PUDP: variants seen among roughly 807,000 people sequenced by gnomAD.
PUDP encodes pseudouridine 5'-phosphatase.
Under a neutral mutation model 9.4 loss-of-function variants are expected in PUDP, and 8 were observed. The ratio of observed to expected loss-of-function variants is 0.85; its 90% CI spans 0.50 to 1.53. PUDP has a LOEUF of 1.53. Ranked by LOEUF, PUDP falls within the 40% of genes most tolerant of loss-of-function variation. The pLI is 0.00. For synonymous variants in PUDP, 99 were observed against 80.7 expected, an observed-to-expected ratio of 1.23 and a Z score of -1.22; for missense variants, 188 against 189.7, an observed-to-expected ratio of 0.99 and a Z score of 0.05.
At chrX:7,086,394 G>A (rs189792190) in intron 2 of PUDP, among the ~76,000 whole-genome samples, 3 of 112,214 alleles carry the variant, frequency 2.7e-5, no homozygotes, top group African/African-American at 9.7e-5. Context: ...AGGAAATCTG[G>A]CTAATATAGA....
chrX:6,755,029 G>C (rs1254304644), intron 3 of PUDP, among the ~76,000 whole-genome samples: 5 of 111,510 alleles, frequency 4.5e-5, no homozygotes, highest in Non-Finnish European at 9.4e-5. Flanking sequence ...CAGTGCTGGA[G>C]TGCTGTCTTG....
chrX:7,135,377 G>A (rs1459343373), intron 1 of PUDP, among the ~76,000 whole-genome samples: 4 of 111,785 alleles, frequency 3.6e-5, no homozygotes, highest in Non-Finnish European at 5.6e-5. Context: ...ACAAACTATC[G>A]GATTCCAATT....
chrX:6,788,908 A>G (rs910835946), intron 3 of PUDP, among the ~76,000 whole-genome samples: 6 of 112,222 alleles, frequency 5.3e-5, no homozygotes, highest in Admixed American at 2.8e-4. Context: ...ACAAACGCTC[A>G]GGGAAAGTTT....
chrX:6,732,982 A>C (rs768132866), intron 3 of PUDP, among the ~76,000 whole-genome samples: 2 of 111,889 alleles, frequency 1.8e-5, no homozygotes, highest in Non-Finnish European at 3.8e-5. Context: ...GCATTCAGGA[A>C]CGGTCTCTCA....
chrX:7,021,914 A>G (rs981582398), intron 1 of PUDP, among the ~76,000 whole-genome samples: 1 of 112,488 alleles, frequency 8.9e-6, no homozygotes, highest in Non-Finnish European at 1.9e-5. Flanking sequence ...TAATTACAGC[A>G]TTACAGACTG....
chrX:7,108,463 C>G, intron 1 of PUDP, among the ~76,000 whole-genome samples: 1 of 110,948 alleles, frequency 9.0e-6, no homozygotes, highest in Non-Finnish European at 1.9e-5. Context: ...CCCTGCCCTG[C>G]ACTCCCCATC....
chrX:6,883,909 C>T (rs1927385066), intron 3 of PUDP, among the ~76,000 whole-genome samples: 1 of 111,624 alleles, frequency 9.0e-6, no homozygotes, highest in Non-Finnish European at 1.9e-5. Context: ...GGCACGATCT[C>T]GGCTCGCTGC....
Position 7,060,006 on chromosome X carries a change from G to C in PUDP, c.511-9534C>G, listed in dbSNP as rs1414920296. The stretch of plus-strand genomic sequence containing the variant: ...GACTTCGTGATTAAATGAGCTGGTG[G>C]ATGAGCCAATGAGCTGTCTGTGTGG... On this transcript the variant is annotated intron_variant, in intron 3 of 3. Coordinates refer to ENST00000381077, the MANE Select transcript of PUDP (RefSeq NM_012080.5). Among the ~76,000 whole-genome samples, 16 of 112,057 alleles carry C rather than the reference G, an allele frequency of 1.4e-4. 1 individual carries two copies. Among genetic ancestry groups the C allele is most frequent in the Admixed American group, 8.5e-4 (9 of 10,636 alleles).
chrX:6,895,237 A>C (rs931232295), intron 3 of PUDP, among the ~76,000 whole-genome samples: 2 of 106,427 alleles, frequency 1.9e-5, no homozygotes, highest in Non-Finnish European at 3.8e-5. Context: ...ATATATATAT[A>C]TACTATATAT....
In PUDP at chrX:7,050,138, T is replaced by C. The variant is rs1930054886; in HGVS notation, c.*158A>G. The C allele has an allele frequency of 4.2e-6, 2 of 480,283 alleles. No individual in the cohort carries two copies. Among genetic ancestry groups the C allele is most frequent in the African/African-American group, 4.9e-5 (2 of 41,195 alleles). The allele number at this position is 480,283 out of a possible 1,213,427, so 39.6% of individuals were successfully genotyped here. Reference sequence around the variant, plus strand: ...GTCAAGTCACATTTTATCAACACGTTAGACTGGGACAAACCAACATGGGAT... The same window carrying C: ...GTCAAGTCACATTTTATCAACACGTCAGACTGGGACAAACCAACATGGGAT... On this transcript the variant is annotated 3_prime_UTR_variant, in exon 4 of 4. Transcript: ENST00000381077.
At chrX:7,064,298 T>C (rs903946903) in intron 3 of PUDP, among the ~76,000 whole-genome samples, 39 of 111,424 alleles carry the variant, frequency 3.5e-4, no homozygotes, top group African/African-American at 1.2e-3. Context: ...ATAGGCAAGC[T>C]GTTGATCCGC....
At position 7,074,609 on chromosome X, in the gene PUDP, G is replaced by A. The variant is rs1053416573; in HGVS notation, c.510+2611C>T. ...ATCGCTTCTGGGACATGGTTATGGA[G>A]TGCAGCACCTTCACTTTTCTAGTGA... On this transcript the variant is annotated intron_variant, in intron 3 of 3. Coordinates refer to ENST00000381077, the MANE Select transcript of PUDP (RefSeq NM_012080.5). Among the ~76,000 whole-genome samples, 5 of 112,363 alleles carry A rather than the reference G, an allele frequency of 4.4e-5. No individual in the cohort carries two copies. The Admixed American group carries it at 4.7e-4, about 11-fold the overall frequency.
In PUDP at chrX:7,049,892, T is replaced by C. The variant is rs1241710051; in HGVS notation, c.*404A>G. 8.2e-6 allele frequency: 1 copy of C among 122,514 alleles called. No homozygotes were observed. Among genetic ancestry groups the C allele is most frequent in the African/African-American group, 3.2e-5 (1 of 31,381 alleles). 10.1% of individuals were successfully genotyped at this position (122,514 alleles called of 1,213,427 possible). On this transcript the variant is annotated 3_prime_UTR_variant, in exon 4 of 4. Transcript: ENST00000381077. ...CATTTTGTCTTGGAAAAGTATATAT[T>C]TTACATATACATGCATGCATATGTC...
chrX:7,001,782 A>T (rs1175743911), intron 1 of PUDP, among the ~76,000 whole-genome samples: 1 of 111,893 alleles, frequency 8.9e-6, no homozygotes, highest in Non-Finnish European at 1.9e-5. Flanking sequence ...GGAGAGCTCA[A>T]ACTACATCTC....
chrX:6,879,195 A>C (rs1344064232), intron 3 of PUDP, among the ~76,000 whole-genome samples: 1 of 111,855 alleles, frequency 8.9e-6, no homozygotes, highest in African/African-American at 3.2e-5. Context: ...ACTGTTCTAC[A>C]TGCAGTGAAG....
chrX:6,816,244 T>A (rs780670247), intron 3 of PUDP, among the ~76,000 whole-genome samples: 1 of 105,821 alleles, frequency 9.4e-6, no homozygotes, highest in South Asian at 4.0e-4. Flanking sequence ...TAGTATAGTA[T>A]ATGCAGTGTA....
intron 3 of PUDP, among the ~76,000 whole-genome samples, chrX:6,762,739 C>T (rs953198579): frequency 8.9e-6 from 1 of 112,340 alleles, no homozygotes; most frequent in African/African-American, 3.2e-5. Context: ...AAAAATAATA[C>T]TCCTTGTAAA....
At chrX:6,746,868 A>G (rs1925006270) in intron 3 of PUDP, among the ~76,000 whole-genome samples, 1 of 111,510 alleles carries the variant, frequency 9.0e-6, no homozygotes, top group South Asian at 3.8e-4. Flanking sequence ...ATAGTGCTGC[A>G]ATGAACATAC....
chrX:6,783,128 G>A (rs1319664658), intron 3 of PUDP, among the ~76,000 whole-genome samples: 3 of 111,480 alleles, frequency 2.7e-5, no homozygotes, highest in East Asian at 2.8e-4. Context: ...AAACAGACCC[G>A]GAATTGGGAG....
Sources: gnomAD v4.1 joint callset for allele counts (sites outside exome capture counted in the v4.1 genomes callset) on GRCh38, gnomAD v4.1.1 for gene constraint, MANE v1.5 for transcripts, NCBI Gene and HGNC (gene_info 2026-07-23, HGNC 2026-07-21) for gene names.